Variants in PALLD observed in about 807,000 individuals in gnomAD.
PALLD encodes the protein palladin.
Under a neutral mutation model 123.5 loss-of-function variants are expected in PALLD, and 61 were observed. The observed-to-expected ratio is 0.49, with a 90% CI of 0.40 to 0.61. The LOEUF is 0.61. Ranked by LOEUF, PALLD falls within the 20% of genes least tolerant of loss-of-function variation. The pLI, the probability that PALLD is intolerant of heterozygous loss-of-function variation, is 0.00. For missense variants in PALLD, 1,273 were observed against 1,377.0 expected (o/e 0.92, Z 1.20); for synonymous variants, 465 against 496.4 (o/e 0.94, Z 0.84).
chr4:168,818,317 G>T (rs1380743401), intron 10 of PALLD, among the ~76,000 whole-genome samples: 2 of 152,094 alleles, frequency 1.3e-5, no homozygotes, highest in Non-Finnish European at 2.9e-5. Context: ...GGGAAAAAAG[G>T]CTGGGTGTGC....
intron 2 of PALLD, among the ~76,000 whole-genome samples, chr4:168,520,793 TA>T (rs888492348): frequency 3.9e-5 from 6 of 152,196 alleles, no homozygotes; most frequent in African/African-American, 1.4e-4. Context: ...TCCAGCTGTA[TA>T]AATGCATAAA....
intron 2 of PALLD, among the ~76,000 whole-genome samples, chr4:168,595,264 A>C (rs533386563): frequency 6.6e-6 from 1 of 152,294 alleles, no homozygotes; most frequent in African/African-American, 2.4e-5. Context: ...CCAATTAAAT[A>C]CTGGGCTATT....
At chr4:168,795,488 A>G (rs1244853663) in intron 10 of PALLD, among the ~76,000 whole-genome samples, 5 of 152,222 alleles carry the variant, frequency 3.3e-5, no homozygotes, top group Non-Finnish European at 5.9e-5. Context: ...TATGAACGCT[A>G]CAGCATCTGA....
chr4:168,891,116 T>C (rs984383447), intron 11 of PALLD, 59 bp downstream of exon 11: 1 of 1,533,112 alleles, frequency 6.5e-7, no homozygotes, highest in African/African-American at 1.4e-5. Context: ...CCTTTCTTCC[T>C]TTCTCTAAGA....
rs1381598979 is a variant in PALLD at position 168,799,890 on chromosome 4, C to T, written c.1964+87967C>T. Among the ~76,000 whole-genome samples, 7 of 152,080 alleles carry T rather than the reference C, an allele frequency of 4.6e-5. No homozygotes were observed. The South Asian group carries it at 6.2e-4, about 14-fold the overall frequency. ...TTTTCAAAAATGGTTCATGCACTTA[C>T]GAGCATTTGTGTACTGTATGTATTC... On this transcript the variant is annotated intron_variant, in intron 10 of 21. Transcript: ENST00000505667.
At chr4:168,830,700 A>G (rs1378184096) in intron 10 of PALLD, among the ~76,000 whole-genome samples, 2 of 152,220 alleles carry the variant, frequency 1.3e-5, no homozygotes, top group South Asian at 2.1e-4. Flanking sequence ...TTAAAGAACA[A>G]TATTTGGTTT....
chr4:168,730,001 A>C (rs147716909), intron 10 of PALLD, among the ~76,000 whole-genome samples: 1 of 152,318 alleles, frequency 6.6e-6, no homozygotes, highest in Non-Finnish European at 1.5e-5. Flanking sequence ...TAGTACTTTG[A>C]AATGTTGTGA....
At chr4:168,548,378 T>C (rs1281173470) in intron 2 of PALLD, among the ~76,000 whole-genome samples, 2 of 151,434 alleles carry the variant, frequency 1.3e-5, no homozygotes, top group Non-Finnish European at 2.9e-5. Flanking sequence ...ACTAATACTC[T>C]CAGCAGATCA....
At position 168,717,299 on chromosome 4, in the gene PALLD, C is replaced by T. The variant is rs1581127454; in HGVS notation, c.1964+5376C>T. 2.0e-5 allele frequency among the ~76,000 whole-genome samples: 3 copies of T among 152,186 alleles called. No individual in the cohort carries two copies. The South Asian group carries it at 6.2e-4, about 32-fold the overall frequency. ...AAAAGAGGAAAAGAAAGATCTCCCA[C>T]CTTTAGAGCAACCCCCATTTGATCT... is the stretch of plus-strand genomic sequence containing the variant. On this transcript the variant is annotated intron_variant, in intron 10 of 21. Coordinates refer to ENST00000505667, the MANE Select transcript of PALLD (RefSeq NM_001166108.2).
intron 10 of PALLD, among the ~76,000 whole-genome samples, chr4:168,744,555 C>T (rs1229786745): frequency 2.0e-5 from 3 of 152,132 alleles, no homozygotes; most frequent in Middle Eastern, 3.2e-3. Flanking sequence ...CAAAGGGAAC[C>T]TCAGGGGTCA....
intron 10 of PALLD, among the ~76,000 whole-genome samples, chr4:168,752,826 ATAT>A (rs752561595): frequency 6.6e-6 from 1 of 151,760 alleles, no homozygotes; most frequent in East Asian, 1.9e-4. Context: ...TTCCCAATGT[ATAT>A]TATTATTATT....
At chr4:168,687,283 T>C (rs1341480327) in intron 6 of PALLD, among the ~76,000 whole-genome samples, 1 of 152,200 alleles carries the variant, frequency 6.6e-6, no homozygotes, top group Non-Finnish European at 1.5e-5. Context: ...TGGTAACAAC[T>C]TGGAAACTAC....
chr4:168,827,913 C>T (rs1435586160), intron 10 of PALLD, among the ~76,000 whole-genome samples: 4 of 152,078 alleles, frequency 2.6e-5, no homozygotes, highest in South Asian at 4.2e-4. Context: ...TGATGGTGCA[C>T]GCCTGTAATC....
At chr4:168,909,083 T>C (rs570394256) in intron 15 of PALLD, among the ~76,000 whole-genome samples, 1 of 152,248 alleles carries the variant, frequency 6.6e-6, no homozygotes, top group East Asian at 1.9e-4. Context: ...AAATAATGAG[T>C]GACTGTGCAG....
chr4:168,674,151 G>A (rs1227642830), intron 3 of PALLD, among the ~76,000 whole-genome samples: 2 of 152,150 alleles, frequency 1.3e-5, no homozygotes, highest in Non-Finnish European at 2.9e-5. Context: ...CTGACCTCAA[G>A]TGATCCGCCC....
intron 2 of PALLD, among the ~76,000 whole-genome samples, chr4:168,653,700 GTTTGTTTGTTTC>G (rs1322626970): frequency 6.6e-6 from 1 of 152,088 alleles, no homozygotes; most frequent in Non-Finnish European, 1.5e-5. Context: ...TTGCTTGTTT[GTTTGTTTGTTTC>G]TTTCTTTCTT....
chr4:168,613,143 T>C (rs1417549240), intron 2 of PALLD, among the ~76,000 whole-genome samples: 1 of 152,146 alleles, frequency 6.6e-6, no homozygotes, highest in Non-Finnish European at 1.5e-5. Flanking sequence ...CATTTAGATA[T>C]CTCAAATGCC....
Position 168,898,422 on chromosome 4 carries a change from G to C in PALLD, c.2251-71G>C, listed in dbSNP as rs1032381242. On this transcript the variant is annotated intron_variant, in intron 13 of 21. Transcript: ENST00000505667. ...ATCACTGTCTTCTAGGGCCTTATTGGGGGGCAGGGAGAGACGTGACACTTT... is the reference window on the plus strand; with the variant it reads ...ATCACTGTCTTCTAGGGCCTTATTGCGGGGCAGGGAGAGACGTGACACTTT... 5.3e-6 allele frequency: 5 copies of C among 944,566 alleles called. No individual in the cohort carries two copies. In the East Asian group the frequency reaches 1.2e-4, roughly 23 times the overall value. The allele number at this position is 944,566 out of a possible 1,614,324, so 58.5% of individuals were successfully genotyped here. A position where few individuals can be genotyped will look rare whatever the true frequency, so the allele number is the denominator to read the frequency against.
intron 3 of PALLD, among the ~76,000 whole-genome samples, chr4:168,673,022 C>T (rs1357771194): frequency 6.6e-6 from 1 of 152,142 alleles, no homozygotes; most frequent in Admixed American, 6.5e-5. Flanking sequence ...CAGTTCCTTG[C>T]CTTCATCAGG....
Sources: allele counts gnomAD v4.1 joint callset (sites outside exome capture counted in the v4.1 genomes callset), GRCh38; gene constraint gnomAD v4.1.1; transcripts MANE v1.5; gene names NCBI Gene and HGNC (gene_info 2026-07-23, HGNC 2026-07-21).